EMC7: variants seen among roughly 807,000 people sequenced by gnomAD.
EMC7 encodes endoplasmic reticulum membrane protein complex subunit 7.
A neutral mutation model predicts 24.4 loss-of-function variants in EMC7; 4 were observed. That is an observed-to-expected ratio of 0.16 (90% CI 0.08 to 0.38). EMC7 has a LOEUF of 0.38. Ranked by LOEUF, EMC7 falls within the 10% of genes least tolerant of loss-of-function variation. The pLI, the probability that EMC7 is intolerant of heterozygous loss-of-function variation, is 1.00. For missense variants in EMC7, 221 were observed against 300.6 expected, an observed-to-expected ratio of 0.74 and a Z score of 1.96; for synonymous variants, 106 against 112.0, an observed-to-expected ratio of 0.95 and a Z score of 0.34.
chr15:34,096,713 C>T (rs12898455), intron 1 of EMC7, among the ~76,000 whole-genome samples: 49,140 of 151,556 alleles, frequency 0.32, 8,493 homozygotes, highest in African/African-American at 0.43. Context: ...GCAGGCCAGG[C>T]GTGGTGGCTG....
chr15:34,097,246 A>G (rs1011512990), intron 1 of EMC7, among the ~76,000 whole-genome samples: 16 of 151,762 alleles, frequency 1.1e-4, no homozygotes, highest in South Asian at 2.1e-4. Flanking sequence ...TGTTAGCCAG[A>G]ATGGTCTCAA....
At position 34,084,303 on chromosome 15, in the gene EMC7, T is replaced by C. The variant is rs1900839105; in HGVS notation, c.*31A>G. 1.3e-6 allele frequency: 2 copies of C among 1,597,556 alleles called. No homozygotes were observed. Among genetic ancestry groups the C allele is most frequent in the Non-Finnish European group, 8.6e-7 (1 of 1,168,096 alleles). ...TTGGATGCCACCCAGTGTTGCCGTG[T>C]TTGTGCAAATGCCAGCTCTGGACGG... On this transcript the variant is annotated 3_prime_UTR_variant, in exon 5 of 5. Transcript: ENST00000256545.
rs1188931500 is a variant in EMC7, at chr15:34,091,381, AC to A, written c.357-927del. On this transcript the variant is annotated intron_variant, in intron 2 of 4. Coordinates refer to ENST00000256545, the MANE Select transcript of EMC7 (RefSeq NM_020154.3). ...CTTGGGTTCTTTGTAAGTTTAGTAG[AC>A]TTTATTTACCTTTATTTAAGTAAAG... Among the ~76,000 whole-genome samples the A allele has an allele frequency of 2.0e-5, 3 of 152,266 alleles. 1 individual carries two copies. The East Asian group carries it at 5.8e-4, about 29-fold the overall frequency.
At position 34,101,620 on chromosome 15, in the gene EMC7, G is replaced by A; in HGVS notation, c.220C>T (p.His74Tyr). The A allele has an allele frequency of 6.2e-7, 1 of 1,613,740 alleles. No homozygotes were observed. Among genetic ancestry groups the A allele is most frequent in the South Asian group, 1.1e-5 (1 of 91,058 alleles). The change falls in exon 1 of 5, where the codon CAC becomes TAC. Residue 74 changes from histidine (H) to tyrosine (Y), a missense_variant. By Grantham distance (83) the His-to-Tyr change is moderately conservative. Coordinates refer to ENST00000256545, the MANE Select transcript of EMC7 (RefSeq NM_020154.3). ...AARVLVDGEEHVGFLKTDGSF... is the reference protein window; with the variant it reads ...AARVLVDGEEYVGFLKTDGSF... The stretch of plus-strand genomic sequence containing the variant: ...GATGCTCACTTAAGGAAACCGACGT[G>A]CTCTTCTCCGTCTACCAGCACTCGG...
chr15:34,094,347 A>T (rs541225806), intron 2 of EMC7, among the ~76,000 whole-genome samples: 308 of 152,194 alleles, frequency 2.0e-3, no homozygotes, highest in Non-Finnish European at 3.5e-3. Flanking sequence ...CAGCCTGGCC[A>T]ATATGGTGAA....
intron 4 of EMC7, 123 bp from the exon 5 acceptor site, chr15:34,084,609 GCAA>G: frequency 9.9e-7 from 1 of 1,007,288 alleles, no homozygotes; most frequent in Non-Finnish European, 1.4e-6. Flanking sequence ...GAGCAATGAT[GCAA>G]CATCATACTC....
intron 2 of EMC7, 128 bp from the exon 3 acceptor site, chr15:34,090,583 T>C: frequency 9.4e-7 from 1 of 1,059,096 alleles, no homozygotes; most frequent in East Asian, 2.8e-5. Context: ...CTTTAAAACC[T>C]AAACTTTTGA....
intron 2 of EMC7, among the ~76,000 whole-genome samples, chr15:34,092,667 A>T (rs1028550206): frequency 6.6e-6 from 1 of 152,062 alleles, no homozygotes; most frequent in Non-Finnish European, 1.5e-5. Context: ...TATTAAAATA[A>T]TTTTTAAATA....
At position 34,100,117 on chromosome 15, in the gene EMC7, T is replaced by TA. The variant is rs1323973768; in HGVS notation, c.236+1486dup. On this transcript the variant is annotated intron_variant, in intron 1 of 4. Coordinates refer to ENST00000256545, the MANE Select transcript of EMC7 (RefSeq NM_020154.3). ...AAAATGTGACAGGCTGAGGCAGAAA[T>TA]ATCACTTGAGGCCAGGAGTTTGAGA... 3.3e-5 allele frequency among the ~76,000 whole-genome samples: 5 copies of TA among 152,218 alleles called. No homozygotes were observed. In the East Asian group the frequency reaches 9.7e-4, roughly 29 times the overall value.
At chr15:34,099,359 C>T (rs189389525) in intron 1 of EMC7, among the ~76,000 whole-genome samples, 35 of 152,236 alleles carry the variant, frequency 2.3e-4, no homozygotes, top group Middle Eastern at 3.4e-3. Context: ...AACCACCTGT[C>T]CAAAAACAGA....
intron 1 of EMC7, among the ~76,000 whole-genome samples, 195 bp from the exon 2 acceptor site, chr15:34,096,209 C>T (rs923751214): frequency 3.3e-5 from 5 of 152,222 alleles, no homozygotes; most frequent in African/African-American, 1.2e-4. Flanking sequence ...CTCGCTGCGA[C>T]GCTCAGGGTG....
At chr15:34,095,777 G>T in intron 2 of EMC7, 118 bp downstream of exon 2, 1 of 963,506 alleles carries the variant, frequency 1.0e-6, no homozygotes, top group Non-Finnish European at 1.4e-6. Context: ...GTGTTTTAAG[G>T]AATAGCTGTA....
At chr15:34,097,039 C>CTTTTTTTTTTTTTTTTTTTTTTT (rs553769836) in intron 1 of EMC7, among the ~76,000 whole-genome samples, 5 of 97,622 alleles carry the variant, frequency 5.1e-5, no homozygotes, top group South Asian at 3.4e-4. Context: ...TGTTCTTCTT[C>CTTTTTTTTTTTTTTTTTTTTTTT]TTTTTTTTTT....
chr15:34,085,336 TA>T (rs1312442038), intron 4 of EMC7, among the ~76,000 whole-genome samples: 1 of 152,216 alleles, frequency 6.6e-6, no homozygotes, highest in East Asian at 1.9e-4. Context: ...CAAAAATCTA[TA>T]AAGTACTGTT....
Position 34,089,533 on chromosome 15 carries a change from T to C in EMC7, c.495+784A>G, listed in dbSNP as rs568017192. ...CATAACATCGGTTCATAATGCCAAC[T>C]ACTTAAATTACCATAGAATAACTTT... On this transcript the variant is annotated intron_variant, in intron 3 of 4. Coordinates refer to ENST00000256545, the MANE Select transcript of EMC7 (RefSeq NM_020154.3). 7.2e-5 allele frequency among the ~76,000 whole-genome samples: 11 copies of C among 152,358 alleles called. No individual in the cohort carries two copies. In the South Asian group the frequency reaches 1.0e-3, roughly 14 times the overall value.
chr15:34,101,785 C>G lies in EMC7; in HGVS notation c.55G>C (p.Gly19Arg), dbSNP rs1157506356. The G allele has an allele frequency of 6.2e-7, 1 of 1,613,298 alleles. No individual in the cohort carries two copies. The highest frequency in any genetic ancestry group is 8.5e-7 in the Non-Finnish European group (1 of 1,179,974). ...FPVLLLLLLS[G>R]DVQSSEVPGA... The stretch of plus-strand genomic sequence containing the variant: ...GGCACCTCCGAGCTCTGGACATCCC[C>G]CGATAGCAGCAGCAGCAGCAGGACG... Residue 19 changes from glycine (G) to arginine (R), a missense_variant, in exon 1 of 5, where the codon GGG becomes CGG. This residue lies in a region of EMC7 where 156 missense variants were observed against 177.1 expected (regional missense o/e 0.88). Transcript: ENST00000256545.
chr15:34,093,823 A>ATGTATATTTTTTTT (rs1190830993), intron 2 of EMC7, among the ~76,000 whole-genome samples: 1 of 48,714 alleles, frequency 2.1e-5, no homozygotes, highest in Non-Finnish European at 3.3e-5. Flanking sequence ...ATATATATAT[A>ATGTATATTTTTTTT]TTTTTTTTTT....
intron 2 of EMC7, among the ~76,000 whole-genome samples, chr15:34,092,919 G>C (rs1901001334): frequency 1.3e-5 from 2 of 152,094 alleles, no homozygotes; most frequent in Admixed American, 1.3e-4. Context: ...CTAACTCACA[G>C]AACAACATAG....
chr15:34,087,210 G>A (rs1202191256), intron 4 of EMC7, among the ~76,000 whole-genome samples: 1 of 152,092 alleles, frequency 6.6e-6, no homozygotes, highest in African/African-American at 2.4e-5. Context: ...TGTTTACTCA[G>A]GAATGAATAA....
Sources: allele counts gnomAD v4.1 joint callset (sites outside exome capture counted in the v4.1 genomes callset), GRCh38; gene constraint gnomAD v4.1.1; regional missense constraint gnomAD v4.1.1; transcripts MANE v1.5; gene names NCBI Gene and HGNC (gene_info 2026-07-23, HGNC 2026-07-21).